Variants in GLRA2 observed in about 807,000 individuals in gnomAD.
GLRA2 encodes glycine receptor subunit alpha-2.
GLRA2 carries 11 observed loss-of-function variants against 31.6 expected under a neutral mutation model. The observed-to-expected ratio is 0.35, with a 90% CI of 0.22 to 0.58. The LOEUF is 0.58. GLRA2 is among the 20% of genes least tolerant of loss of function. The pLI is 0.84. For missense variants in GLRA2, 212 were observed against 351.8 expected, an observed-to-expected ratio of 0.60 and a Z score of 3.18; for synonymous variants, 132 against 134.0, an observed-to-expected ratio of 0.99 and a Z score of 0.10.
intron 4 of GLRA2, among the ~76,000 whole-genome samples, chrX:14,596,238 T>A (rs1467291641): frequency 9.0e-6 from 1 of 111,401 alleles, no homozygotes; most frequent in African/African-American, 3.3e-5. Context: ...CTGAGTAGAG[T>A]TCACTGCCTA....
At chrX:14,676,537 G>A (rs1184520409) in intron 7 of GLRA2, among the ~76,000 whole-genome samples, 1 of 111,921 alleles carries the variant, frequency 8.9e-6, no homozygotes, top group African/African-American at 3.2e-5. Flanking sequence ...CTAGGGGCTG[G>A]GAATGTGAAT....
At chrX:14,497,232 G>A in the GLRA2 span, among the ~76,000 whole-genome samples, 2 of 111,816 alleles carry the variant, frequency 1.8e-5, no homozygotes, top group South Asian at 7.3e-4. Flanking sequence ...AGTGGTTGAT[G>A]AGGGGTCAAG....
At chrX:14,571,910 G>A (rs1297922023) in intron 2 of GLRA2, among the ~76,000 whole-genome samples, 1 of 111,693 alleles carries the variant, frequency 9.0e-6, no homozygotes, top group African/African-American at 3.3e-5. Context: ...AAGGTTGAAA[G>A]TTTAGGTTTT....
intron 2 of GLRA2, among the ~76,000 whole-genome samples, chrX:14,571,547 T>C (rs2089883346): frequency 8.9e-6 from 1 of 111,858 alleles, no homozygotes; most frequent in Admixed American, 9.5e-5. Context: ...CTGCCTCTTA[T>C]AAACTCTGCG....
chrX:14,586,213 A>T lies in GLRA2; in HGVS notation c.494+4807A>T, dbSNP rs1263581749. On this transcript the variant is annotated intron_variant, in intron 4 of 8. Transcript: ENST00000218075. ...CCAGAACTCCGTAAGTGTCATCCTTATGAACACTTGGGGTACCTTGACTAA... is the reference window on the plus strand; with the variant it reads ...CCAGAACTCCGTAAGTGTCATCCTTTTGAACACTTGGGGTACCTTGACTAA... Among the ~76,000 whole-genome samples the T allele has an allele frequency of 2.7e-5, 3 of 112,000 alleles. No homozygotes were observed. In the East Asian group the frequency reaches 8.4e-4, roughly 31 times the overall value.
chrX:14,495,622 T>C, the GLRA2 span, among the ~76,000 whole-genome samples: 1 of 109,289 alleles, frequency 9.2e-6, no homozygotes, highest in Admixed American at 9.8e-5. Context: ...TGTGTATGTA[T>C]GTACACATAC....
chrX:14,621,282 C>T (rs771092392), intron 7 of GLRA2, among the ~76,000 whole-genome samples: 1 of 110,984 alleles, frequency 9.0e-6, no homozygotes, highest in Admixed American at 9.5e-5. Flanking sequence ...CAGACCCTAC[C>T]ACAAATTAAA....
intron 7 of GLRA2, among the ~76,000 whole-genome samples, chrX:14,649,145 C>T (rs1022812972): frequency 3.9e-4 from 43 of 109,359 alleles, no homozygotes; most frequent in African/African-American, 1.4e-3. Flanking sequence ...ACCCAGGAGG[C>T]GGAGGTTGCA....
At chrX:14,530,253 G>A (rs1041631766) in intron 1 of GLRA2, 128 bp downstream of exon 1, 1 of 491,952 alleles carries the variant, frequency 2.0e-6, no homozygotes, top group African/African-American at 2.4e-5. Flanking sequence ...GATATCTTTT[G>A]TTCATTTAAA....
intron 4 of GLRA2, among the ~76,000 whole-genome samples, chrX:14,594,940 GA>G (rs533954335): frequency 0.093 from 7,222 of 77,277 alleles, 608 homozygotes; most frequent in African/African-American, 0.24. Flanking sequence ...AGGTCAACAG[GA>G]AAAAAAAAAA....
chrX:14,707,593 AAAC>A (rs760424364), intron 8 of GLRA2, among the ~76,000 whole-genome samples: 7 of 88,143 alleles, frequency 7.9e-5, no homozygotes, highest in South Asian at 8.5e-4. Context: ...AAAAACCAAA[AAAC>A]AACAACAAAG....
the GLRA2 span, among the ~76,000 whole-genome samples, chrX:14,518,232 A>C: frequency 6.2e-3 from 699 of 112,017 alleles, 10 homozygotes; most frequent in African/African-American, 0.021. Flanking sequence ...ATAAAATTAT[A>C]TCTTTTTTAC....
At chrX:14,641,084 A>G (rs2090767307) in intron 7 of GLRA2, among the ~76,000 whole-genome samples, 1 of 111,386 alleles carries the variant, frequency 9.0e-6, no homozygotes, top group Admixed American at 9.6e-5. Flanking sequence ...GTTTAGTGGT[A>G]GCTCATTGTG....
At chrX:14,622,417 T>C (rs181526118) in intron 7 of GLRA2, among the ~76,000 whole-genome samples, 23 of 112,045 alleles carry the variant, frequency 2.1e-4, no homozygotes, top group Non-Finnish European at 1.9e-5. Context: ...TTTTGGTGTT[T>C]TAGTCATGAA....
the GLRA2 span, among the ~76,000 whole-genome samples, chrX:14,505,182 A>G: frequency 8.9e-6 from 1 of 112,132 alleles, no homozygotes; most frequent in African/African-American, 3.2e-5. Context: ...AGAAATTAGG[A>G]AGCCAAACTC....
intron 8 of GLRA2, among the ~76,000 whole-genome samples, chrX:14,725,150 A>T (rs1358503828): frequency 1.4e-4 from 16 of 112,016 alleles, no homozygotes; most frequent in African/African-American, 4.9e-4. Context: ...AGATCAATTC[A>T]GTAACAGGAC....
chrX:14,449,014 G>A, the GLRA2 span, among the ~76,000 whole-genome samples: 13 of 111,933 alleles, frequency 1.2e-4, no homozygotes, highest in Admixed American at 6.6e-4. Context: ...CCCGCTGAGC[G>A]TTCTTTCAGC....
chrX:14,633,828 C>T (rs1409699685), intron 7 of GLRA2, among the ~76,000 whole-genome samples: 1 of 74,654 alleles, frequency 1.3e-5, no homozygotes, highest in African/African-American at 3.8e-5. Context: ...TGAAAACTCA[C>T]TTACTATCAT....
At chrX:14,669,548 TCCCAAA>T (rs1281123754) in intron 7 of GLRA2, among the ~76,000 whole-genome samples, 8 of 111,346 alleles carry the variant, frequency 7.2e-5, no homozygotes, top group African/African-American at 2.6e-4. Context: ...AAATCTAGGT[TCCCAAA>T]CCTCAGTTCT....
Sources: allele counts gnomAD v4.1 joint callset (sites outside exome capture counted in the v4.1 genomes callset), GRCh38; gene constraint gnomAD v4.1.1; transcripts MANE v1.5; gene names NCBI Gene and HGNC (gene_info 2026-07-23, HGNC 2026-07-21).